NLRP7: variants seen among roughly 807,000 people sequenced by gnomAD.
NLRP7 encodes NACHT, LRR and PYD domains-containing protein 7.
Under a neutral mutation model 85.5 loss-of-function variants are expected in NLRP7, and 72 were observed. That is an observed-to-expected ratio of 0.84 (90% CI 0.70 to 1.02). NLRP7 has a LOEUF of 1.02. NLRP7 is among the 50% of genes least tolerant of loss of function. The pLI, the probability that NLRP7 is intolerant of heterozygous loss-of-function variation, is 0.00. For missense variants in NLRP7, 1,243 were observed against 1,219.5 expected (o/e 1.02, Z -0.29); for synonymous variants, 550 against 505.2 (o/e 1.09, Z -1.19).
At chr19:54,926,409 C>T (rs781692488) in intron 9 of NLRP7, among the ~76,000 whole-genome samples, 4 of 152,208 alleles carry the variant, frequency 2.6e-5, no homozygotes, top group Non-Finnish European at 4.4e-5. Context: ...TAGAAAGATG[C>T]CTTAAGTTGA....
intron 9 of NLRP7, 60 bp downstream of exon 9, chr19:54,930,439 G>A: frequency 1.6e-6 from 2 of 1,230,574 alleles, no homozygotes; most frequent in South Asian, 1.2e-5. Context: ...TCCAGGCTGG[G>A]GGACAGAGCA....
chr19:54,933,443 C>T lies in NLRP7; in HGVS notation c.2642+126G>A, dbSNP rs775806663. The stretch of plus-strand genomic sequence containing the variant: ...TACAGGCATGAGCCACCACGCCTGG[C>T]CTCTGCCTGTTCTTTAATTCTTACC... On this transcript the variant is annotated intron_variant, in intron 8 of 9. Transcript: ENST00000340844. The T allele has an allele frequency of 3.9e-4, 479 of 1,242,846 alleles. 3 individuals carry two copies. The highest frequency in any genetic ancestry group is 2.6e-4 in the Admixed American group (13 of 50,758). 77.0% of individuals were successfully genotyped at this position (1,242,846 alleles called of 1,614,324 possible).
intron 3 of NLRP7, 88 bp from the exon 4 acceptor site, chr19:54,940,554 C>T (rs1006953273): frequency 9.6e-6 from 14 of 1,460,394 alleles, no homozygotes; most frequent in Admixed American, 5.0e-5. Context: ...GGGCCAGGCA[C>T]GGTGTCTCAT....
At chr19:54,937,111 G>C (rs549615558) in intron 5 of NLRP7, among the ~76,000 whole-genome samples, 1 of 151,550 alleles carries the variant, frequency 6.6e-6, no homozygotes, top group African/African-American at 2.4e-5. Flanking sequence ...CCAGCTACTC[G>C]GGAGGCTGAG....
In NLRP7 at chr19:54,940,248, A is replaced by G. The variant is rs2069162456; in HGVS notation, c.571T>C (p.Cys191Arg). The change falls in exon 4 of 10, where the codon TGT becomes CGT. Residue 191 changes from cysteine (C) to arginine (R), a missense_variant. By Grantham distance (180) the Cys-to-Arg change is radical (BLOSUM62 -3). Around this residue, in one of 3 missense-constraint regions of NLRP7, gnomAD observed 591 missense variants for 563.3 expected, o/e 1.05. Coordinates refer to ENST00000340844, the Ensembl canonical transcript of NLRP7. ...TTGCAGTCTGTCCAGTCCAGCATAC[A>G]CTTTTTGGCCAGCGTGGTTTTCCCC... The G allele has an allele frequency of 1.9e-6, 3 of 1,614,010 alleles. No individual in the cohort carries two copies. Among genetic ancestry groups the G allele is most frequent in the African/African-American group, 1.3e-5 (1 of 74,918 alleles).
rs886054634 is a variant in NLRP7, at chr19:54,947,478, G to A, written c.-49C>T. The A allele has an allele frequency of 4.7e-6, 6 of 1,289,596 alleles. No homozygotes were observed. The East Asian group carries it at 3.3e-4, about 72-fold the overall frequency. The allele number at this position is 1,289,596 out of a possible 1,614,324, so 79.9% of individuals were successfully genotyped here. A position where few individuals can be genotyped will look rare whatever the true frequency, so the allele number is the denominator to read the frequency against. Reference sequence around the variant, plus strand: ...AAGAACCAGCACTCACCTCCCTCAGGTCAGGTCTTGCTTCCAGCCTGTGTT... The same window carrying A: ...AAGAACCAGCACTCACCTCCCTCAGATCAGGTCTTGCTTCCAGCCTGTGTT... On this transcript the variant is annotated 5_prime_UTR_variant, in exon 1 of 10. Transcript: ENST00000340844.
chr19:54,940,352 C>T lies in NLRP7; in HGVS notation c.467G>A (p.Arg156Gln), dbSNP rs61746625. The T allele has an allele frequency of 0.01, 16,803 of 1,614,104 alleles. 106 individuals carry two copies. Among genetic ancestry groups the T allele is most frequent in the Non-Finnish European group, 0.013 (15,102 of 1,180,004 alleles). ...TCTGGGATTCAAGAATGGAATGAAC[C>T]GTTGGTTTCTCAGAGTGACGTCGTC... The change falls in exon 4 of 10, where the codon CGG becomes CAG. Residue 156 changes from arginine (R) to glutamine (Q), a missense_variant. Around this residue, in one of 3 missense-constraint regions of NLRP7, gnomAD observed 591 missense variants for 563.3 expected, o/e 1.05. Coordinates refer to ENST00000340844, the Ensembl canonical transcript of NLRP7.
intron 1 of NLRP7, among the ~76,000 whole-genome samples, chr19:54,958,632 G>A (rs753149111): frequency 6.6e-6 from 1 of 150,708 alleles, no homozygotes; most frequent in Non-Finnish European, 1.5e-5. Flanking sequence ...GGGACAGAGT[G>A]AGACTCTGTC....
At chr19:54,937,749 T>C (rs976250229) in intron 5 of NLRP7, among the ~76,000 whole-genome samples, 2 of 150,916 alleles carry the variant, frequency 1.3e-5, no homozygotes, top group Non-Finnish European at 3.0e-5. Flanking sequence ...AGTACAAAAT[T>C]AGCCGGGCAA....
chr19:54,924,135 G>C (rs2068336493), intron 9 of NLRP7, among the ~76,000 whole-genome samples: 1 of 152,074 alleles, frequency 6.6e-6, no homozygotes, highest in Non-Finnish European at 1.5e-5. Flanking sequence ...GCTTGGCTAA[G>C]TTTTGTATTT....
rs190983570 is a variant in NLRP7 at position 54,927,775 on chromosome 19, G to A, written c.2810+2724C>T. 7.4e-6 allele frequency: 12 copies of A among 1,613,606 alleles called. No individual in the cohort carries two copies. In the Admixed American group the frequency reaches 1.8e-4, roughly 25 times the overall value. On this transcript the variant is annotated intron_variant, in intron 9 of 9. Coordinates refer to ENST00000340844, the Ensembl canonical transcript of NLRP7. The stretch of plus-strand genomic sequence containing the variant: ...AAGGCATGAGGGAGCAGCTCCAGAG[G>A]CTGTTGAGGAAGAACATGGAAATCC...
intron 8 of NLRP7, among the ~76,000 whole-genome samples, chr19:54,931,378 G>A (rs543129040): frequency 6.6e-6 from 1 of 152,194 alleles, no homozygotes; most frequent in African/African-American, 2.4e-5. Context: ...CCAAAGTGGT[G>A]AAACCCCATC....
chr19:54,936,541 G>A, intron 5 of NLRP7, 110 bp from the exon 6 acceptor site: 1 of 976,888 alleles, frequency 1.0e-6, no homozygotes, highest in Non-Finnish European at 1.6e-6. Flanking sequence ...GAAGTTCTTG[G>A]CCGGGTGCAG....
At chr19:54,924,077 C>A (rs374893752) in intron 9 of NLRP7, among the ~76,000 whole-genome samples, 1 of 152,166 alleles carries the variant, frequency 6.6e-6, no homozygotes, top group Admixed American at 6.6e-5. Context: ...AAGCAATTCT[C>A]ATGCCTCAGG....
intron 5 of NLRP7, among the ~76,000 whole-genome samples, chr19:54,937,716 G>A (rs951726762): frequency 5.3e-5 from 8 of 151,916 alleles, no homozygotes; most frequent in East Asian, 1.9e-4. Context: ...TGGGCAACAC[G>A]GTGAAAACCT....
chr19:54,964,211 G>GTTTT (rs747785772), intron 1 of NLRP7, among the ~76,000 whole-genome samples: 2 of 52,514 alleles, frequency 3.8e-5, no homozygotes, highest in African/African-American at 9.0e-5. Context: ...TTTATATGGT[G>GTTTT]TTTTTTTTTT....
intron 1 of NLRP7, among the ~76,000 whole-genome samples, chr19:54,963,100 A>G (rs568692247): frequency 6.6e-6 from 1 of 152,276 alleles, no homozygotes; most frequent in African/African-American, 2.4e-5. Context: ...AGAGGACTTA[A>G]TAAGTAAACA....
chr19:54,955,265 G>C (rs1018289397), intron 1 of NLRP7, among the ~76,000 whole-genome samples: 1 of 151,968 alleles, frequency 6.6e-6, no homozygotes, highest in Non-Finnish European at 1.5e-5. Context: ...GGTGGCAGAG[G>C]TTGCAGTGAG....
In NLRP7 at chr19:54,934,546, C is replaced by T. The variant is rs1569539872; in HGVS notation, c.2414G>A (p.Gly805Asp). Residue 805 changes from glycine (G) to aspartate (D), a missense_variant, in exon 7 of 10, where the codon GGT becomes GAT. Coordinates refer to ENST00000340844, the Ensembl canonical transcript of NLRP7. This position sits in a 1 kb window ranked among gnomAD's most constrained non-coding sequence, Gnocchi z 6.7. ...CATGGTCTTGTACAGCAACATGGCACCCTCATCCAGGAGCACATTGGCTGA... is the reference window on the plus strand; with the variant it reads ...CATGGTCTTGTACAGCAACATGGCATCCTCATCCAGGAGCACATTGGCTGA... The T allele has an allele frequency of 5.6e-6, 9 of 1,614,140 alleles. No individual in the cohort carries two copies. Among genetic ancestry groups the T allele is most frequent in the Non-Finnish European group, 7.6e-6 (9 of 1,180,018 alleles).
Sources: allele counts gnomAD v4.1 joint callset (sites outside exome capture counted in the v4.1 genomes callset), GRCh38; gene constraint gnomAD v4.1.1; regional missense constraint gnomAD v4.1.1; non-coding constraint Gnocchi (gnomAD v3.1); transcripts MANE v1.5; gene names NCBI Gene and HGNC (gene_info 2026-07-23, HGNC 2026-07-21).